The following VPS13B variants were observed in gnomAD, a reference collection of about 807,000 sequenced individuals.
VPS13B encodes intermembrane lipid transfer protein VPS13B.
VPS13B carries 285 observed loss-of-function variants against 426.4 expected under a neutral mutation model. That is an observed-to-expected ratio of 0.67 (90% CI 0.61 to 0.74). VPS13B has a LOEUF of 0.74. VPS13B is among the 30% of genes least tolerant of loss of function. VPS13B has a pLI of 0.00. For synonymous variants in VPS13B, 1,676 were observed against 1,676.4 expected, an observed-to-expected ratio of 1.00 and a Z score of 0.01; for missense variants, 4,537 against 4,782.6, an observed-to-expected ratio of 0.95 and a Z score of 1.51.
intron 39 of VPS13B, among the ~76,000 whole-genome samples, chr8:99,736,293 C>T (rs1833826699): frequency 6.6e-6 from 1 of 152,146 alleles, no homozygotes. Context: ...ACAGTTTAGG[C>T]TGGGCGCGGT....
chr8:99,340,730 C>T (rs1588270210), intron 19 of VPS13B: 1 of 349,720 alleles, frequency 2.9e-6, no homozygotes, highest in Non-Finnish European at 5.6e-6. Flanking sequence ...CTGGGGCATG[C>T]TAGTAGATGT....
intron 17 of VPS13B, among the ~76,000 whole-genome samples, chr8:99,235,407 C>T (rs1404345934): frequency 1.3e-5 from 2 of 151,934 alleles, no homozygotes; most frequent in Admixed American, 6.6e-5. Flanking sequence ...TGGCTTTTGC[C>T]GCAGCTTAGT....
chr8:99,349,332 CAAAAAAAAAAAAA>C (rs35441676), intron 19 of VPS13B, among the ~76,000 whole-genome samples: 1 of 47,744 alleles, frequency 2.1e-5, no homozygotes, highest in South Asian at 1.5e-3. Context: ...GACTCCGTCT[CAAAAAAAAAAAAA>C]AAAAAAAAAA....
intron 31 of VPS13B, among the ~76,000 whole-genome samples, chr8:99,558,490 A>G (rs1018369141): frequency 6.6e-6 from 1 of 152,132 alleles, no homozygotes; most frequent in African/African-American, 2.4e-5. Flanking sequence ...TACATGTGCC[A>G]TGTTGGTGTG....
Position 99,142,973 on chromosome 8 carries a change from G to C in VPS13B, c.1652-1G>C. 6.2e-7 allele frequency: 1 copy of C among 1,612,374 alleles called. No homozygotes were observed. The highest frequency in any genetic ancestry group is 8.5e-7 in the Non-Finnish European group (1 of 1,179,268). On this transcript the variant is annotated splice_acceptor_variant, in intron 12 of 61. Transcript: ENST00000357162. LOFTEE classifies it high-confidence loss of function. ...AAAATATAAAATTTGACTTCTTTTA[G>C]GTTCCACAAATCAACAAGACTTTTC...
intron 24 of VPS13B, among the ~76,000 whole-genome samples, chr8:99,468,406 T>G (rs1819225397): frequency 6.6e-6 from 1 of 152,096 alleles, no homozygotes; most frequent in Non-Finnish European, 1.5e-5. Flanking sequence ...GCATGATTGG[T>G]CTATGACACC....
At chr8:99,451,545 A>G (rs551459851) in intron 23 of VPS13B, among the ~76,000 whole-genome samples, 2 of 152,328 alleles carry the variant, frequency 1.3e-5, no homozygotes, top group East Asian at 1.9e-4. Flanking sequence ...TGAGATATAC[A>G]TTACTTTGAA....
intron 33 of VPS13B, among the ~76,000 whole-genome samples, chr8:99,616,766 G>A (rs1176036140): frequency 6.6e-6 from 1 of 152,168 alleles, no homozygotes; most frequent in Non-Finnish European, 1.5e-5. Context: ...CCGAAGTTGC[G>A]GTGAGCCGAG....
intron 19 of VPS13B, among the ~76,000 whole-genome samples, chr8:99,338,196 A>G (rs1335639194): frequency 6.6e-6 from 1 of 152,118 alleles, no homozygotes; most frequent in Non-Finnish European, 1.5e-5. Flanking sequence ...TTTTCTTTCT[A>G]TATTTTATTA....
chr8:99,077,388 T>A (rs1845189469), intron 3 of VPS13B, among the ~76,000 whole-genome samples: 1 of 152,120 alleles, frequency 6.6e-6, no homozygotes, highest in Admixed American at 6.6e-5. Flanking sequence ...CAGGCTGGTC[T>A]CGAACTCCCG....
intron 21 of VPS13B, among the ~76,000 whole-genome samples, chr8:99,413,378 T>A (rs1220683668): frequency 2.0e-5 from 3 of 152,200 alleles, no homozygotes; most frequent in Admixed American, 1.3e-4. Context: ...GATGGTAGTT[T>A]GTATTTCTGT....
intron 24 of VPS13B, among the ~76,000 whole-genome samples, chr8:99,478,042 AGTTT>A (rs1375528965): frequency 6.6e-6 from 1 of 151,612 alleles, no homozygotes; most frequent in African/African-American, 2.4e-5. Context: ...TGAGCTCAGG[AGTTT>A]GAGACCACTT....
intron 21 of VPS13B, among the ~76,000 whole-genome samples, chr8:99,410,818 G>A (rs1815609445): frequency 6.6e-6 from 1 of 151,996 alleles, no homozygotes; most frequent in South Asian, 2.1e-4. Flanking sequence ...GTGGTGTTTG[G>A]TTTTCTGTTC....
intron 30 of VPS13B, among the ~76,000 whole-genome samples, chr8:99,535,281 A>G (rs1178299992): frequency 1.3e-5 from 2 of 152,188 alleles, no homozygotes; most frequent in Admixed American, 1.3e-4. Context: ...AATTTAAACA[A>G]TAAGTCTTAA....
chr8:99,380,027 A>G (rs1181536234), intron 19 of VPS13B, among the ~76,000 whole-genome samples: 1 of 152,118 alleles, frequency 6.6e-6, no homozygotes, highest in Non-Finnish European at 1.5e-5. Flanking sequence ...ACAATTTTTC[A>G]TATTGGGGGA....
intron 31 of VPS13B, among the ~76,000 whole-genome samples, chr8:99,559,434 G>A (rs1454711497): frequency 1.3e-5 from 2 of 152,026 alleles, no homozygotes; most frequent in Admixed American, 1.3e-4. Flanking sequence ...GTCTATTTTC[G>A]CTTTTGTTGC....
intron 33 of VPS13B, among the ~76,000 whole-genome samples, chr8:99,582,557 A>T (rs536768949): frequency 2.0e-5 from 3 of 152,314 alleles, no homozygotes; most frequent in South Asian, 4.1e-4. Context: ...CATTATAAAG[A>T]TGATATAAAT....
intron 43 of VPS13B, chr8:99,796,739 A>T (rs1259370193): frequency 6.6e-6 from 1 of 152,282 alleles, no homozygotes; most frequent in East Asian, 1.9e-4. Context: ...GAGGTCATTC[A>T]GGGCTGGGTG....
At chr8:99,118,245 C>T (rs964995282) in intron 7 of VPS13B, among the ~76,000 whole-genome samples, 9 of 152,170 alleles carry the variant, frequency 5.9e-5, no homozygotes, top group African/African-American at 2.2e-4. Flanking sequence ...ACAATTGCTT[C>T]ATCACATATT....
Sources: gnomAD v4.1 joint callset for allele counts (sites outside exome capture counted in the v4.1 genomes callset) on GRCh38, gnomAD v4.1.1 for gene constraint, MANE v1.5 for transcripts, NCBI Gene and HGNC (gene_info 2026-07-23, HGNC 2026-07-21) for gene names.